The following DNAI7 variants were observed in gnomAD, a reference collection of about 807,000 sequenced individuals.
The protein encoded by DNAI7 is cancer susceptibility 1.
In DNAI7, 78 loss-of-function variants were observed where a neutral mutation model predicts 86.6. That is an observed-to-expected ratio of 0.90 (90% confidence interval 0.75 to 1.09). The LOEUF (loss-of-function observed/expected upper bound fraction) is 1.09, where lower values mean the gene tolerates loss of function less well. Among genes scored for constraint, DNAI7 ranks in the 50% least tolerant of loss-of-function variants. The pLI, the probability that DNAI7 is intolerant of heterozygous loss-of-function variation, is 0.00. For missense variants in DNAI7, 753 were observed against 810.2 expected (o/e 0.93, Z 0.86); for synonymous variants, 274 against 273.0 (o/e 1.00, Z -0.04).
At chr12:25,129,819 A>T (rs1340354418) in intron 9 of DNAI7, among the ~76,000 whole-genome samples, 2 of 151,354 alleles carry the variant, frequency 1.3e-5, no homozygotes, top group African/African-American at 4.9e-5. Flanking sequence ...CTGGAGTGTA[A>T]TGGCATGATC....
At chr12:25,178,226 T>C (rs141002621) in intron 2 of DNAI7, among the ~76,000 whole-genome samples, 35 of 152,338 alleles carry the variant, frequency 2.3e-4, no homozygotes, top group African/African-American at 8.2e-4. Flanking sequence ...TAAAGACTTA[T>C]GGACCTAGAA....
chr12:25,185,615 C>G (rs7965331), intron 2 of DNAI7: 206,754 of 209,894 alleles, frequency 0.99, 101,846 homozygotes, highest in East Asian at 1. Flanking sequence ...TCTCATTTTT[C>G]ATTATAAGCC....
At chr12:25,113,279 CTGTTGTTGTTGTTGT>C (rs111423023) in intron 13 of DNAI7, among the ~76,000 whole-genome samples, 16 of 150,564 alleles carry the variant, frequency 1.1e-4, no homozygotes, top group Admixed American at 2.0e-4. Flanking sequence ...GTTGTTGTTG[CTGTTGTTGTTGTTGT>C]TGTTGTTGTT....
At position 25,111,789 on chromosome 12, in the gene DNAI7, C is replaced by T. The variant is rs146942345; in HGVS notation, c.1762G>A (p.Val588Ile). The part of the protein sequence containing the change: ...IFPTRHSHFY[V>I]IINNKVPLVE... ...ATTCTTGCCTTATTGTTTATAATAA[C>T]ATAAAAATGAGAGTGTCTAGTAGGA... is the stretch of plus-strand genomic sequence containing the variant. Residue 588 changes from valine to isoleucine, a missense_variant, in exon 14 of 16, where the codon GTT (valine) becomes ATT (isoleucine). Physicochemically the swap from Val to Ile is conservative, Grantham distance 29. Coordinates refer to ENST00000395987, the MANE Select transcript of DNAI7 (RefSeq NM_018272.5). 146 of 1,585,686 alleles carry T rather than the reference C, an allele frequency of 9.2e-5. 1 individual carries two copies. The African/African-American group carries it at 1.6e-3, about 17-fold the overall frequency.
chr12:25,108,183 A>C, downstream of DNAI7: 1 of 1,072,884 alleles, frequency 9.3e-7, no homozygotes, highest in Non-Finnish European at 1.3e-6. Context: ...TGACTGTAAG[A>C]TAGCTTACAT....
intron 9 of DNAI7, among the ~76,000 whole-genome samples, chr12:25,140,701 G>GA (rs139338130): frequency 0.68 from 103,167 of 150,874 alleles, 39,239 homozygotes; most frequent in East Asian, 0.99. Flanking sequence ...CATGGAACTA[G>GA]AAAAAAAAAT....
intron 12 of DNAI7, among the ~76,000 whole-genome samples, chr12:25,116,021 C>G (rs944707839): frequency 4.6e-5 from 7 of 152,048 alleles, no homozygotes; most frequent in African/African-American, 1.7e-4. Flanking sequence ...CCATCTGCCC[C>G]TCCTACAACT....
chr12:25,146,268 T>TA (rs1170011485), intron 8 of DNAI7, among the ~76,000 whole-genome samples: 1 of 38,334 alleles, frequency 2.6e-5, no homozygotes, highest in East Asian at 1.2e-3. Flanking sequence ...GTCACAAAGA[T>TA]ACATTAAAAA....
intron 8 of DNAI7, among the ~76,000 whole-genome samples, chr12:25,145,666 A>G (rs1944733719): frequency 6.6e-6 from 1 of 152,212 alleles, no homozygotes; most frequent in East Asian, 1.9e-4. Flanking sequence ...TATCAAAAAT[A>G]AAGTCTAGTT....
chr12:25,138,082 G>A (rs1943755740), intron 9 of DNAI7, among the ~76,000 whole-genome samples: 1 of 151,862 alleles, frequency 6.6e-6, no homozygotes, highest in Non-Finnish European at 1.5e-5. Flanking sequence ...CTCAACCACT[G>A]CAGAATATAC....
At chr12:25,154,561 T>C in intron 5 of DNAI7, 105 bp from the exon 6 acceptor site, 1 of 1,136,886 alleles carries the variant, frequency 8.8e-7, no homozygotes, top group Non-Finnish European at 1.3e-6. Context: ...TTAACCAACT[T>C]AGATAAAAAC....
At chr12:25,179,917 A>G (rs1419366380) in intron 2 of DNAI7, among the ~76,000 whole-genome samples, 1 of 152,278 alleles carries the variant, frequency 6.6e-6, no homozygotes, top group Non-Finnish European at 1.5e-5. Flanking sequence ...ATTCCTATTC[A>G]ATAGTACTGG....
intron 4 of DNAI7, among the ~76,000 whole-genome samples, chr12:25,158,122 G>A (rs1293221187): frequency 4.6e-5 from 7 of 152,120 alleles, no homozygotes; most frequent in East Asian, 1.9e-4. Context: ...CCAGCTACTC[G>A]GAAGGCTGAG....
At chr12:25,181,327 C>A (rs555698388) in intron 2 of DNAI7, among the ~76,000 whole-genome samples, 1 of 152,040 alleles carries the variant, frequency 6.6e-6, no homozygotes, top group Non-Finnish European at 1.5e-5. Context: ...CTATGTTTCC[C>A]AGGTTGGTCT....
intron 14 of DNAI7, among the ~76,000 whole-genome samples, chr12:25,110,618 G>A (rs751644695): frequency 8.0e-4 from 122 of 152,150 alleles, no homozygotes; most frequent in Non-Finnish European, 1.2e-3. Context: ...CCAGGAAGCT[G>A]CTTCCCCAGA....
At chr12:25,141,209 G>C (rs1944149960) in intron 9 of DNAI7, among the ~76,000 whole-genome samples, 1 of 152,170 alleles carries the variant, frequency 6.6e-6, no homozygotes, top group Admixed American at 6.5e-5. Context: ...ATGATAAATA[G>C]ATGATACCTA....
intron 2 of DNAI7, among the ~76,000 whole-genome samples, chr12:25,162,949 G>A (rs961692034): frequency 6.6e-6 from 1 of 152,184 alleles, no homozygotes; most frequent in Non-Finnish European, 1.5e-5. Flanking sequence ...TTTAGCTCCA[G>A]ATTGACTACA....
At chr12:25,188,143 G>A (rs1442615124) in intron 2 of DNAI7, among the ~76,000 whole-genome samples, 1 of 152,188 alleles carries the variant, frequency 6.6e-6, no homozygotes, top group Non-Finnish European at 1.5e-5. Context: ...GGACTACAAT[G>A]ATTGTAAGAT....
chr12:25,195,036 G>A (rs2141453150), intron 1 of DNAI7, 40 bp downstream of exon 1: 1 of 1,614,188 alleles, frequency 6.2e-7, no homozygotes, highest in East Asian at 2.2e-5. Flanking sequence ...CAGAATCAGT[G>A]GTCGCCCCTC....
Sources: gnomAD v4.1 joint callset for allele counts (sites outside exome capture counted in the v4.1 genomes callset) on GRCh38, gnomAD v4.1.1 for gene constraint, MANE v1.5 for transcripts, NCBI Gene and HGNC (gene_info 2026-07-23, HGNC 2026-07-21) for gene names.